Variants in KCNT1 observed in about 807,000 individuals in gnomAD.
The protein encoded by KCNT1 is potassium channel subfamily T member 1.
KCNT1 carries 78 observed loss-of-function variants against 147.8 expected under a neutral mutation model. The observed-to-expected ratio is 0.53, with a 90% CI of 0.44 to 0.64. The LOEUF (loss-of-function observed/expected upper bound fraction) is 0.64. Among genes scored for constraint, KCNT1 ranks in the 30% least tolerant of loss-of-function variants. The pLI is 0.00. For synonymous variants in KCNT1, 867 were observed against 748.8 expected (o/e 1.16, Z -2.58); for missense variants, 1,419 against 1,750.3 (o/e 0.81, Z 3.38).
intron 3 of KCNT1, chr9:135,750,709 A>C (rs1014977939): frequency 5.8e-5 from 34 of 582,708 alleles, no homozygotes; most frequent in African/African-American, 5.6e-4. Context: ...AATCCCCTGC[A>C]CCCCAAGTTC....
intron 1 of KCNT1, among the ~76,000 whole-genome samples, chr9:135,711,307 G>T (rs1835476681): frequency 6.6e-6 from 1 of 152,208 alleles, no homozygotes; most frequent in Non-Finnish European, 1.5e-5. Context: ...AGATGCAGGG[G>T]GAGTGAGAAG....
In KCNT1 at chr9:135,714,767, C is replaced by CGCCGCACGCCCGGAGCT; in HGVS notation, c.254+49_254+65dup. Reference sequence around the variant, plus strand: ...GGGGCTGGGGTCGCCGTCCCGGCGCCGCCGCACGCCCGGAGCTGTCCGCGG... The same window carrying CGCCGCACGCCCGGAGCT: ...GGGGCTGGGGTCGCCGTCCCGGCGCCGCCGCACGCCCGGAGCTGCCGCACGCCCGGAGCTGTCCGCGG... On this transcript the variant is annotated intron_variant, in intron 2 of 30. Transcript: ENST00000371757. This position sits in a 1 kb window ranked among gnomAD's most constrained non-coding sequence, Gnocchi z 6.2. 8.4e-7 allele frequency: 1 copy of CGCCGCACGCCCGGAGCT among 1,183,868 alleles called. No individual in the cohort carries two copies. Among genetic ancestry groups the CGCCGCACGCCCGGAGCT allele is most frequent in the Non-Finnish European group, 1.1e-6 (1 of 944,766 alleles). 73.3% of individuals were successfully genotyped at this position (1,183,868 alleles called of 1,614,324 possible).
Position 135,758,521 on chromosome 9 carries a change from C to T in KCNT1, c.854+13C>T, listed in dbSNP as rs759372513. The T allele has an allele frequency of 1.6e-5, 25 of 1,608,794 alleles. No homozygotes were observed. Among genetic ancestry groups the T allele is most frequent in the African/African-American group, 9.4e-5 (7 of 74,818 alleles). The stretch of plus-strand genomic sequence containing the variant: ...TCGTTTTCACGGGGTGAGTGCCGGC[C>T]GTCAGTGTGAGCACCCCAGGACGTT... On this transcript the variant is annotated intron_variant, in intron 10 of 30. Coordinates refer to ENST00000371757, the MANE Select transcript of KCNT1 (RefSeq NM_020822.3).
rs74441567 is a variant in KCNT1, at chr9:135,729,729, G to A, written c.254+15009G>A. ...TTCTGCCTCCAGTATTTTTTGCAAA[G>A]TGGAAGTTGGGTCTGCAGGCCTGCT... On this transcript the variant is annotated intron_variant, in intron 2 of 30. Coordinates refer to ENST00000371757, the MANE Select transcript of KCNT1 (RefSeq NM_020822.3). Among the ~76,000 whole-genome samples the A allele has an allele frequency of 2.6e-4, 39 of 152,330 alleles. No homozygotes were observed. In the East Asian group the frequency reaches 7.1e-3, roughly 28 times the overall value.
intron 11 of KCNT1, among the ~76,000 whole-genome samples, chr9:135,760,913 G>A (rs539413958): frequency 6.6e-6 from 1 of 152,330 alleles, no homozygotes; most frequent in African/African-American, 2.4e-5. Flanking sequence ...TCGCTGATGA[G>A]CGAGTCTCTG....
At chr9:135,740,557 A>AC (rs1220461455) in intron 2 of KCNT1, among the ~76,000 whole-genome samples, 15 of 152,026 alleles carry the variant, frequency 9.9e-5, no homozygotes, top group Non-Finnish European at 1.6e-4. Flanking sequence ...CTCCTTCCCG[A>AC]CCCCAGCCCC....
At chr9:135,784,990 C>T (rs1588402719) in intron 27 of KCNT1, 101 bp downstream of exon 27, 8 of 1,498,168 alleles carry the variant, frequency 5.3e-6, no homozygotes, top group Non-Finnish European at 1.8e-6. Flanking sequence ...AGCCCCTGTC[C>T]TGTGTGACCC....
chr9:135,724,472 G>T (rs1347460001), intron 2 of KCNT1, among the ~76,000 whole-genome samples: 2 of 152,268 alleles, frequency 1.3e-5, no homozygotes, highest in Non-Finnish European at 2.9e-5. Flanking sequence ...CCAGTGGTCG[G>T]CGAGGGGCGT....
In KCNT1 at chr9:135,768,245, GGGGGGGGGGGGGC is replaced by G. The variant is rs1832435620; in HGVS notation, c.1338-364_1338-352del. Among the ~76,000 whole-genome samples, 7 of 40,058 alleles carry G rather than the reference GGGGGGGGGGGGGC, an allele frequency of 1.7e-4. 2 individuals are homozygous for G. The highest frequency in any genetic ancestry group is 5.1e-4 in the Admixed American group (2 of 3,920). 26.3% of individuals were successfully genotyped at this position (40,058 alleles called of 152,430 possible). On this transcript the variant is annotated intron_variant, in intron 13 of 30. Transcript: ENST00000371757. ...GGAGAGGCCCAGGATGCCTGCGGGG[GGGGGGGGGGGGGC>G]ACTGGGATACCGGTGGGGGGGGCAC...
intron 4 of KCNT1, among the ~76,000 whole-genome samples, chr9:135,753,170 T>C (rs1831289925): frequency 6.6e-6 from 1 of 151,802 alleles, no homozygotes; most frequent in African/African-American, 2.4e-5. Context: ...GATGGATGGG[T>C]GGATGGATGA....
chr9:135,750,561 G>T (rs892269172), intron 3 of KCNT1: 1 of 179,748 alleles, frequency 5.6e-6, no homozygotes, highest in East Asian at 1.2e-4. Flanking sequence ...TCCCTGCCCC[G>T]TTCCCAGCCA....
At chr9:135,726,410 C>G (rs1463248415) in intron 2 of KCNT1, among the ~76,000 whole-genome samples, 1 of 152,082 alleles carries the variant, frequency 6.6e-6, no homozygotes, top group Non-Finnish European at 1.5e-5. Context: ...CTTGGGTGGC[C>G]TGAGCTCAGA....
chr9:135,793,934 G>GCCCTGCCCCGCAGTCA lies in KCNT1; in HGVS notation c.*1777_*1792dup, dbSNP rs1834708625. The stretch of plus-strand genomic sequence containing the variant: ...TTCCTGGGATCCAAGCAGCGAGCAC[G>GCCCTGCCCCGCAGTCA]CCCTGCCCCGCAGTCACCCCGCCCC... On this transcript the variant is annotated 3_prime_UTR_variant, in exon 31 of 31. Transcript: ENST00000371757. 6.6e-5 allele frequency: 10 copies of GCCCTGCCCCGCAGTCA among 151,258 alleles called. No individual in the cohort carries two copies. The highest frequency in any genetic ancestry group is 6.6e-4 in the Admixed American group (10 of 15,256). The allele number at this position is 151,258 out of a possible 1,614,324, so 9.4% of individuals were successfully genotyped here.
At chr9:135,788,030 C>G (rs1010402625) in intron 29 of KCNT1, 27 of 1,252,352 alleles carry the variant, frequency 2.2e-5, no homozygotes, top group East Asian at 7.0e-5. Flanking sequence ...GTGCCGGCCG[C>G]CCGCACCTCG....
chr9:135,756,845 A>G, intron 6 of KCNT1, 28 bp from the exon 7 acceptor site: 4 of 1,590,708 alleles, frequency 2.5e-6, no homozygotes, highest in Non-Finnish European at 3.4e-6. Context: ...GGCCTGCTCC[A>G]GAGCTCCTTC....
chr9:135,718,915 G>A (rs894036283), intron 2 of KCNT1, among the ~76,000 whole-genome samples: 5 of 152,238 alleles, frequency 3.3e-5, no homozygotes, highest in Non-Finnish European at 4.4e-5. Context: ...CGCTCCCAGC[G>A]GGGATGACCC....
intron 2 of KCNT1, among the ~76,000 whole-genome samples, chr9:135,727,695 C>G (rs2131355055): frequency 6.6e-6 from 1 of 152,364 alleles, no homozygotes; most frequent in Admixed American, 6.5e-5. Flanking sequence ...ATCCCGGCCC[C>G]CAGCCCCTGG....
chr9:135,776,445 T>A lies in KCNT1; in HGVS notation c.2350-893T>A, dbSNP rs146107009. ...GCTAATTTTATTTATTTATTTATTT[T>A]TTGTAGTGATGGGGTCTCACTATGT... On this transcript the variant is annotated intron_variant, in intron 20 of 30. Coordinates refer to ENST00000371757, the MANE Select transcript of KCNT1 (RefSeq NM_020822.3). 3.8e-3 allele frequency among the ~76,000 whole-genome samples: 579 copies of A among 152,142 alleles called. 1 individual carries two copies. Among genetic ancestry groups the A allele is most frequent in the Admixed American group, 5.8e-3 (88 of 15,274 alleles).
In KCNT1 at chr9:135,770,016, CCACCCTCAT is replaced by C; in HGVS notation, c.1587_1595del (p.Ile530_Leu532del). 6.4e-7 allele frequency: 1 copy of C among 1,555,434 alleles called. No homozygotes were observed. Among genetic ancestry groups the C allele is most frequent in the Non-Finnish European group, 8.7e-7 (1 of 1,149,812 alleles). On this transcript the variant is annotated inframe_deletion, in exon 16 of 31. Coordinates refer to ENST00000371757, the MANE Select transcript of KCNT1 (RefSeq NM_020822.3). The stretch of plus-strand genomic sequence containing the variant: ...CTGAACTGCATCTGCCCGGCGACCT[CCACCCTCAT>C]CACCCTGCTGGTGCACACGTCCCGC...
Sources: allele counts gnomAD v4.1 joint callset (sites outside exome capture counted in the v4.1 genomes callset), GRCh38; gene constraint gnomAD v4.1.1; non-coding constraint Gnocchi (gnomAD v3.1); transcripts MANE v1.5; gene names NCBI Gene and HGNC (gene_info 2026-07-23, HGNC 2026-07-21).